The following EXOC5 variants were observed in gnomAD, a reference collection of about 807,000 sequenced individuals.
EXOC5 encodes the protein SEC10-like 1.
EXOC5 carries 17 observed loss-of-function variants against 90.8 expected under a neutral mutation model. The observed-to-expected ratio is 0.19, with a 90% CI of 0.13 to 0.28. The LOEUF (loss-of-function observed/expected upper bound fraction) is 0.28, where lower values mean the gene tolerates loss of function less well. Among genes scored for constraint, EXOC5 ranks in the 10% least tolerant of loss-of-function variants. The pLI, the probability that EXOC5 is intolerant of heterozygous loss-of-function variation, is 1.00. For missense variants in EXOC5, 569 were observed against 830.6 expected, an observed-to-expected ratio of 0.69 and a Z score of 3.87; for synonymous variants, 260 against 270.0, an observed-to-expected ratio of 0.96 and a Z score of 0.36.
In EXOC5 at chr14:57,219,456, G is replaced by C; in HGVS notation, c.1406-14C>G. The stretch of plus-strand genomic sequence containing the variant: ...AAGAGGGAATTCCTAAAACCAGAAA[G>C]CATACATATGTTAGAATCATCCTTG... On this transcript the variant is annotated splice_polypyrimidine_tract_variant and intron_variant, in intron 13 of 17. Transcript: ENST00000621441. 6.4e-7 allele frequency: 1 copy of C among 1,558,320 alleles called. No homozygotes were observed. The highest frequency in any genetic ancestry group is 8.7e-7 in the Non-Finnish European group (1 of 1,154,334).
In EXOC5 at chr14:57,232,696, A is replaced by C; in HGVS notation, c.909T>G (p.Tyr303Ter). ...EECRKSDAEQ[Y>*]LKNLYDLYTR... ...TATACAGATCATAGAGATTTTTGAG[A>C]TATTGCTCTGCATCGGACTTCCTAC... The change falls in exon 10 of 18, where the codon TAT becomes TAG. Residue 303 changes from tyrosine (Y) to a stop codon, truncating the protein, a stop_gained. Transcript: ENST00000621441. LOFTEE classifies it high-confidence loss of function. 6.6e-7 allele frequency: 1 copy of C among 1,523,920 alleles called. No individual in the cohort carries two copies. 94.4% of individuals were successfully genotyped at this position (1,523,920 alleles called of 1,614,324 possible). A position where few individuals can be genotyped will look rare whatever the true frequency, so the allele number is the denominator to read the frequency against.
intron 4 of EXOC5, among the ~76,000 whole-genome samples, chr14:57,240,879 G>A (rs770704466): frequency 6.6e-6 from 1 of 152,010 alleles, no homozygotes; most frequent in African/African-American, 2.4e-5. Flanking sequence ...TTGAGACAGA[G>A]TCTTGCTCGG....
intron 12 of EXOC5, among the ~76,000 whole-genome samples, chr14:57,224,325 TA>T (rs2139624985): frequency 6.6e-6 from 1 of 152,048 alleles, no homozygotes; most frequent in South Asian, 2.1e-4. Context: ...GTAAAATGAA[TA>T]AATCTCTAGC....
intron 5 of EXOC5, 22 bp downstream of exon 5, chr14:57,239,573 A>C: frequency 7.6e-7 from 1 of 1,314,904 alleles, no homozygotes; most frequent in South Asian, 1.4e-5. Context: ...TATTCAAATT[A>C]GCTCTTGAGA....
At chr14:57,218,936 T>C (rs1389912996) in intron 14 of EXOC5, among the ~76,000 whole-genome samples, 1 of 152,008 alleles carries the variant, frequency 6.6e-6, no homozygotes, top group Non-Finnish European at 1.5e-5. Context: ...TCTCACAAAA[T>C]TTTTTGTATG....
intron 14 of EXOC5, among the ~76,000 whole-genome samples, chr14:57,218,716 C>T (rs8019850): frequency 0.25 from 38,494 of 151,960 alleles, 11,876 homozygotes; most frequent in African/African-American, 0.74. Flanking sequence ...GGACTAGTCT[C>T]GGCATATCAA....
chr14:57,218,697 A>T (rs1883040619), intron 14 of EXOC5, among the ~76,000 whole-genome samples: 1 of 152,038 alleles, frequency 6.6e-6, no homozygotes, highest in South Asian at 2.1e-4. Flanking sequence ...TATCTTTGAG[A>T]CTGTTTCTGG....
chr14:57,245,864 C>T (rs539404668), intron 3 of EXOC5, among the ~76,000 whole-genome samples: 162 of 151,984 alleles, frequency 1.1e-3, no homozygotes, highest in African/African-American at 3.8e-3. Flanking sequence ...ACAAACCTGG[C>T]CAACATAGCA....
intron 3 of EXOC5, among the ~76,000 whole-genome samples, chr14:57,244,611 A>G (rs572281325): frequency 6.6e-6 from 1 of 152,272 alleles, no homozygotes; most frequent in Admixed American, 6.5e-5. Context: ...AAAGCTGTTT[A>G]CTCCTCATCC....
At chr14:57,264,918 A>C (rs904640709) in intron 1 of EXOC5, among the ~76,000 whole-genome samples, 4 of 152,198 alleles carry the variant, frequency 2.6e-5, no homozygotes, top group Admixed American at 6.5e-5. Context: ...TTCTATACTT[A>C]ATTCTATTTT....
In EXOC5 at chr14:57,218,077, T is replaced by C. The variant is rs1386258181; in HGVS notation, c.1527-9A>G. On this transcript the variant is annotated splice_polypyrimidine_tract_variant and intron_variant, in intron 14 of 17. Transcript: ENST00000621441. ...ATAACTTAGGAGAAGAGCTATTGTA[T>C]ATTTAAAATGGAAAAAGAATCATAT... 11 of 1,319,474 alleles carry C rather than the reference T, an allele frequency of 8.3e-6. No individual in the cohort carries two copies. Among genetic ancestry groups the C allele is most frequent in the South Asian group, 1.2e-5 (1 of 80,198 alleles). The allele number at this position is 1,319,474 out of a possible 1,614,324, so 81.7% of individuals were successfully genotyped here.
chr14:57,229,748 C>A lies in EXOC5; in HGVS notation c.1282G>T (p.Glu428Ter). The A allele has an allele frequency of 6.6e-7, 1 of 1,521,338 alleles. No individual in the cohort carries two copies. The highest frequency in any genetic ancestry group is 8.9e-7 in the Non-Finnish European group (1 of 1,126,816). 94.2% of individuals were successfully genotyped at this position (1,521,338 alleles called of 1,614,324 possible). ...ATCACTCTTACCCTATGACATCTTT[C>A]AAAGGCTTGTTTGGTTTCTTGTAAA... ...NLLQETKQAF[E>*]RCHRLSDPSD... Residue 428 changes from glutamate (E) to a stop codon, truncating the protein, a stop_gained, in exon 12 of 18, where the codon GAA becomes TAA. Coordinates refer to ENST00000621441, the MANE Select transcript of EXOC5 (RefSeq NM_006544.4). LOFTEE classifies it high-confidence loss of function.
chr14:57,258,055 C>A (rs985728759), intron 1 of EXOC5, among the ~76,000 whole-genome samples: 1 of 152,094 alleles, frequency 6.6e-6, no homozygotes, highest in African/African-American at 2.4e-5. Flanking sequence ...TATATTGCTC[C>A]ATTAAACTGA....
intron 15 of EXOC5, among the ~76,000 whole-genome samples, chr14:57,217,366 G>A (rs943044311): frequency 2.0e-5 from 3 of 152,076 alleles, no homozygotes; most frequent in South Asian, 2.1e-4. Context: ...AAGTCTATCC[G>A]TGCCACTTTT....
At chr14:57,268,052 G>C (rs1234537624) in intron 1 of EXOC5, among the ~76,000 whole-genome samples, 1 of 151,714 alleles carries the variant, frequency 6.6e-6, no homozygotes, top group Non-Finnish European at 1.5e-5. Flanking sequence ...GAGATAAGTA[G>C]GCCTTTATTG....
At chr14:57,236,000 C>A (rs1396228969) in intron 6 of EXOC5, among the ~76,000 whole-genome samples, 180 bp from the exon 7 acceptor site, 1 of 152,076 alleles carries the variant, frequency 6.6e-6, no homozygotes, top group African/African-American at 2.4e-5. Context: ...GCATATAAAT[C>A]TATATTTTCA....
chr14:57,263,385 G>T (rs1166731822), intron 1 of EXOC5, among the ~76,000 whole-genome samples: 27 of 152,032 alleles, frequency 1.8e-4, no homozygotes, highest in Admixed American at 1.7e-3. Flanking sequence ...TGGGAGGATC[G>T]CTTTTGCCTA....
At chr14:57,238,499 AATT>A (rs1004827432) in intron 5 of EXOC5, among the ~76,000 whole-genome samples, 28 of 151,454 alleles carry the variant, frequency 1.8e-4, no homozygotes, top group Middle Eastern at 3.4e-3. Flanking sequence ...TGCAGTCAAT[AATT>A]ATTATGAGCC....
intron 4 of EXOC5, among the ~76,000 whole-genome samples, chr14:57,242,210 GTTTT>G (rs113038140): frequency 1.3e-5 from 2 of 151,428 alleles, no homozygotes; most frequent in East Asian, 1.9e-4. Context: ...ACATAATAGG[GTTTT>G]TTTTGTTTTT....
Sources: allele counts gnomAD v4.1 joint callset (sites outside exome capture counted in the v4.1 genomes callset), GRCh38; gene constraint gnomAD v4.1.1; transcripts MANE v1.5; gene names NCBI Gene and HGNC (gene_info 2026-07-23, HGNC 2026-07-21).